GRM5: variants seen among roughly 807,000 people sequenced by gnomAD.
GRM5 encodes metabotropic glutamate receptor 5.
A neutral mutation model predicts 83.1 loss-of-function variants in GRM5; 19 were observed. The ratio of observed to expected loss-of-function variants is 0.23; its 90% CI spans 0.16 to 0.34. The LOEUF (loss-of-function observed/expected upper bound fraction) is 0.34. GRM5 is among the 10% of genes least tolerant of loss of function. The pLI is 1.00. For synonymous variants in GRM5, 675 were observed against 633.6 expected, an observed-to-expected ratio of 1.07 and a Z score of -0.98; for missense variants, 1,160 against 1,588.3, an observed-to-expected ratio of 0.73 and a Z score of 4.58.
chr11:88,760,779 C>T (rs1379237824), intron 3 of GRM5, among the ~76,000 whole-genome samples: 1 of 152,120 alleles, frequency 6.6e-6, no homozygotes, highest in African/African-American at 2.4e-5. Flanking sequence ...GGCCAATACC[C>T]TTCATGAACA....
chr11:88,901,894 A>G (rs1442862820), intron 2 of GRM5, among the ~76,000 whole-genome samples: 2 of 152,132 alleles, frequency 1.3e-5, no homozygotes, highest in Non-Finnish European at 2.9e-5. Flanking sequence ...TTGTTTTCCC[A>G]TCTCTTAGGC....
In GRM5 at chr11:88,612,818, G is replaced by A. The variant is rs530146568; in HGVS notation, c.1148-7854C>T. ...TCGCCCACTTTTAAAAATATGGAAC[G>A]CTTCACAAATTTGCGTGTCATCCTT... On this transcript the variant is annotated intron_variant, in intron 4 of 9. Transcript: ENST00000305447. 3.3e-5 allele frequency: 5 copies of A among 152,302 alleles called. No individual in the cohort carries two copies. In the East Asian group the frequency reaches 9.6e-4, roughly 29 times the overall value. The allele number at this position is 152,302 out of a possible 1,614,324, so 9.4% of individuals were successfully genotyped here. A position where few individuals can be genotyped will look rare whatever the true frequency, so the allele number is the denominator to read the frequency against.
At chr11:88,687,579 A>AT (rs1250226972) in intron 3 of GRM5, among the ~76,000 whole-genome samples, 2,004 of 46,830 alleles carry the variant, frequency 0.043, 527 homozygotes, top group East Asian at 0.24. Context: ...ATATATATAT[A>AT]ATATATATAT....
At chr11:88,930,072 C>T (rs1053857543) in intron 2 of GRM5, among the ~76,000 whole-genome samples, 1 of 151,920 alleles carries the variant, frequency 6.6e-6, no homozygotes, top group African/African-American at 2.4e-5. Context: ...GAAAATAAGA[C>T]ATGCCAAAAA....
intron 3 of GRM5, among the ~76,000 whole-genome samples, chr11:88,797,385 C>A (rs571944194): frequency 2.0e-5 from 3 of 152,284 alleles, no homozygotes; most frequent in Non-Finnish European, 4.4e-5. Flanking sequence ...CCTGATCCAT[C>A]CGCCTCGGCC....
chr11:88,509,015 G>A lies in GRM5; in HGVS notation c.3216C>T (p.Ile1072=). ...ACAGCATCATGGAGTTGAGCTCGCT[G>A]ATGTTGGCCGTGAAGCGGGTGACCA... ...SSVVTRFTAN[I]SELNSMMLST... is the part of the protein sequence containing the mutation. Residue 1072 remains isoleucine (I), a synonymous_variant, in exon 10 of 10, where the codon ATC becomes ATT. Transcript: ENST00000305447. 1 of 1,572,642 alleles carries A rather than the reference G, an allele frequency of 6.4e-7. No individual in the cohort carries two copies. The highest frequency in any genetic ancestry group is 2.3e-5 in the East Asian group (1 of 43,114).
chr11:88,711,049 T>G (rs1245588016), intron 3 of GRM5, among the ~76,000 whole-genome samples: 1 of 152,018 alleles, frequency 6.6e-6, no homozygotes, highest in Non-Finnish European at 1.5e-5. Flanking sequence ...TATAAAGGTG[T>G]CAGCAAGGTG....
chr11:88,933,317 TG>T (rs1937778347), intron 2 of GRM5, among the ~76,000 whole-genome samples: 1 of 145,234 alleles, frequency 6.9e-6, no homozygotes, highest in African/African-American at 2.5e-5. Flanking sequence ...ATAACAGCAA[TG>T]AAGGTGTAAG....
intron 2 of GRM5, among the ~76,000 whole-genome samples, chr11:88,948,955 T>A (rs1938370011): frequency 6.6e-6 from 1 of 152,142 alleles, no homozygotes; most frequent in African/African-American, 2.4e-5. Flanking sequence ...CAAAAAATGG[T>A]CACTTCCTAA....
rs1157279693 is a variant in GRM5 at position 88,984,669 on chromosome 11, A to T, written c.661+62543T>A. The T allele has an allele frequency of 1.6e-5, 8 of 514,146 alleles. No individual in the cohort carries two copies. In the East Asian group the frequency reaches 2.2e-4, roughly 14 times the overall value. The allele number at this position is 514,146 out of a possible 1,614,324, so 31.8% of individuals were successfully genotyped here. On this transcript the variant is annotated intron_variant, in intron 2 of 9. Coordinates refer to ENST00000305447, the MANE Select transcript of GRM5 (RefSeq NM_001143831.3). ...ATGATATTCACTTTAAACTTGTAAG[A>T]CCTATATATTTTTAATCAAAAAGGG... is the stretch of plus-strand genomic sequence containing the variant.
At chr11:88,840,984 A>C (rs1274857555) in intron 3 of GRM5, among the ~76,000 whole-genome samples, 2 of 152,156 alleles carry the variant, frequency 1.3e-5, no homozygotes, top group African/African-American at 4.8e-5. Context: ...TGTACAACCA[A>C]AAGACTGGTA....
intron 3 of GRM5, among the ~76,000 whole-genome samples, chr11:88,707,347 C>T (rs1422766383): frequency 2.0e-5 from 3 of 152,020 alleles, no homozygotes; most frequent in African/African-American, 7.2e-5. Context: ...TGGATAGTGT[C>T]ACTGTAAACA....
chr11:88,918,878 C>T (rs534023082), intron 2 of GRM5, among the ~76,000 whole-genome samples: 79 of 150,110 alleles, frequency 5.3e-4, no homozygotes, highest in African/African-American at 1.9e-3. Flanking sequence ...ATCAAAAAAC[C>T]TAAAAAATAT....
At chr11:89,034,394 A>G (rs951529121) in intron 2 of GRM5, among the ~76,000 whole-genome samples, 5 of 151,940 alleles carry the variant, frequency 3.3e-5, no homozygotes, top group Non-Finnish European at 7.4e-5. Flanking sequence ...TTTTACTTCA[A>G]CCAAAGCTAT....
Position 88,802,528 on chromosome 11 carries a change from C to A in GRM5, c.911+47378G>T, listed in dbSNP as rs997744634. On this transcript the variant is annotated intron_variant, in intron 3 of 9. Transcript: ENST00000305447. The stretch of plus-strand genomic sequence containing the variant: ...CTCAATAAATTAGGTATTGATGGGA[C>A]ATATCCCAAAATAATAAGAGCTATC... Among the ~76,000 whole-genome samples, 29 of 152,228 alleles carry A rather than the reference C, an allele frequency of 1.9e-4. 1 individual carries two copies. In the South Asian group the frequency reaches 5.8e-3, roughly 30 times the overall value.
At chr11:89,004,814 A>G (rs1415385700) in intron 2 of GRM5, among the ~76,000 whole-genome samples, 1 of 152,188 alleles carries the variant, frequency 6.6e-6, no homozygotes, top group East Asian at 1.9e-4. Flanking sequence ...TAAATCTACA[A>G]TTATTTAATC....
At chr11:88,647,956 G>A (rs11020783) in intron 4 of GRM5, among the ~76,000 whole-genome samples, 99,986 of 147,928 alleles carry the variant, frequency 0.68, 39,680 homozygotes, top group Non-Finnish European at 0.89. Context: ...ACAATGAGAT[G>A]CCATCTCACA....
At chr11:88,805,348 C>T (rs970745568) in intron 3 of GRM5, among the ~76,000 whole-genome samples, 3 of 152,020 alleles carry the variant, frequency 2.0e-5, no homozygotes, top group Non-Finnish European at 2.9e-5. Flanking sequence ...TGCGCCACCA[C>T]GCCCGGCTAA....
chr11:88,629,021 G>A (rs1159032695), intron 4 of GRM5, among the ~76,000 whole-genome samples: 1 of 152,180 alleles, frequency 6.6e-6, no homozygotes, highest in Non-Finnish European at 1.5e-5. Flanking sequence ...GTCAGGTACT[G>A]CAAAGTAGGT....
Sources: allele counts gnomAD v4.1 joint callset (sites outside exome capture counted in the v4.1 genomes callset), GRCh38; gene constraint gnomAD v4.1.1; transcripts MANE v1.5; gene names NCBI Gene and HGNC (gene_info 2026-07-23, HGNC 2026-07-21).